Variants in DPP10 observed in about 807,000 individuals in gnomAD.
The protein encoded by DPP10 is dipeptidyl peptidase like 10.
Under a neutral mutation model 120.9 loss-of-function variants are expected in DPP10, and 33 were observed. The observed-to-expected ratio is 0.27, with a 90% confidence interval of 0.21 to 0.37. The LOEUF is 0.37. Among genes scored for constraint, DPP10 ranks in the 10% least tolerant of loss-of-function variants. The probability of loss-of-function intolerance (pLI) is 1.00; values close to 1 mark genes in which losing one functional copy is unlikely to be tolerated. For missense variants in DPP10, 816 were observed against 942.8 expected (o/e 0.87, Z 1.76); for synonymous variants, 337 against 326.1 (o/e 1.03, Z -0.36).
chr2:115,803,577 T>C (rs1190212300), intron 19 of DPP10, among the ~76,000 whole-genome samples: 1 of 152,214 alleles, frequency 6.6e-6, no homozygotes, highest in East Asian at 1.9e-4. Flanking sequence ...TACCGGTTGT[T>C]CCTTTCCATG....
chr2:115,293,074 G>A (rs1020556201), intron 1 of DPP10, among the ~76,000 whole-genome samples: 1 of 151,930 alleles, frequency 6.6e-6, no homozygotes, highest in Admixed American at 6.6e-5. Context: ...CCATCTCTAG[G>A]GTACAGATTC....
intron 5 of DPP10, among the ~76,000 whole-genome samples, chr2:115,586,785 T>C (rs1203002092): frequency 6.6e-6 from 1 of 152,200 alleles, no homozygotes; most frequent in Admixed American, 6.5e-5. Context: ...CATAGTAGCA[T>C]TATATTCTTA....
chr2:115,743,703 G>A (rs749415752), intron 9 of DPP10, among the ~76,000 whole-genome samples: 2 of 141,028 alleles, frequency 1.4e-5, no homozygotes, highest in Non-Finnish European at 3.1e-5. Flanking sequence ...CAAAATTTCT[G>A]ATTTGTGACA....
chr2:115,664,695 T>G (rs1224479110), intron 5 of DPP10, among the ~76,000 whole-genome samples: 1 of 152,168 alleles, frequency 6.6e-6, no homozygotes, highest in African/African-American at 2.4e-5. Context: ...ACATTCTTAA[T>G]TGTTTCTCTC....
intron 1 of DPP10, among the ~76,000 whole-genome samples, chr2:114,500,761 T>C (rs1166793996): frequency 6.6e-6 from 1 of 152,168 alleles, no homozygotes; most frequent in African/African-American, 2.4e-5. Context: ...AACAAAATCA[T>C]TGAATCTGAA....
intron 1 of DPP10, among the ~76,000 whole-genome samples, chr2:115,200,589 G>A (rs2055633678): frequency 6.6e-6 from 1 of 152,192 alleles, no homozygotes; most frequent in Non-Finnish European, 1.5e-5. Flanking sequence ...AGCAGGCACA[G>A]CACTTGAGAA....
At chr2:115,258,575 T>C (rs1387359428) in intron 1 of DPP10, among the ~76,000 whole-genome samples, 1 of 152,066 alleles carries the variant, frequency 6.6e-6, no homozygotes, top group East Asian at 1.9e-4. Flanking sequence ...TAATAATAAA[T>C]AAACATGCAT....
chr2:114,875,068 A>T (rs959526730), intron 1 of DPP10, among the ~76,000 whole-genome samples: 1 of 152,186 alleles, frequency 6.6e-6, no homozygotes, highest in Admixed American at 6.6e-5. Context: ...GTATTCTTCC[A>T]TGCTAAAAGG....
At chr2:115,654,076 CAG>C (rs2088059087) in intron 5 of DPP10, among the ~76,000 whole-genome samples, 1 of 151,704 alleles carries the variant, frequency 6.6e-6, no homozygotes, top group Admixed American at 6.6e-5. Flanking sequence ...CTAATTATAT[CAG>C]AAATATTTAC....
In DPP10 at chr2:114,572,341, T is replaced by C. The variant is rs1034446671; in HGVS notation, c.60+129503T>C. ...AGAATGAAGCAAACTCACCAAAACA[T>C]GAAATAGGCCCCCCAAAATAATACA... On this transcript the variant is annotated intron_variant, in intron 1 of 25. Transcript: ENST00000410059. 5.9e-5 allele frequency among the ~76,000 whole-genome samples: 9 copies of C among 152,194 alleles called. No individual in the cohort carries two copies. The East Asian group carries it at 1.5e-3, about 26-fold the overall frequency.
At chr2:115,831,797 A>G (rs1688954451) in intron 21 of DPP10, among the ~76,000 whole-genome samples, 1 of 152,236 alleles carries the variant, frequency 6.6e-6, no homozygotes. Flanking sequence ...AAATTTAAAA[A>G]TAACATAAAC....
intron 3 of DPP10, among the ~76,000 whole-genome samples, chr2:115,456,802 G>A (rs2073585280): frequency 6.6e-6 from 1 of 152,020 alleles, no homozygotes; most frequent in East Asian, 1.9e-4. Context: ...CATACACCGG[G>A]ACCTGTCAGT....
At chr2:114,819,966 A>G (rs1282177152) in intron 1 of DPP10, among the ~76,000 whole-genome samples, 1 of 152,170 alleles carries the variant, frequency 6.6e-6, no homozygotes, top group African/African-American at 2.4e-5. Context: ...ATGTTAATGT[A>G]TTCAATAATC....
At chr2:114,559,612 G>T (rs1397922631) in intron 1 of DPP10, among the ~76,000 whole-genome samples, 1 of 151,988 alleles carries the variant, frequency 6.6e-6, no homozygotes, top group Non-Finnish European at 1.5e-5. Context: ...TAGCTCTCTC[G>T]CCATCCCTGT....
intron 2 of DPP10, among the ~76,000 whole-genome samples, chr2:115,329,682 A>T (rs1016725650): frequency 6.6e-6 from 1 of 151,846 alleles, no homozygotes; most frequent in Non-Finnish European, 1.5e-5. Context: ...TGAGAACATG[A>T]GGTGTTTGGT....
intron 1 of DPP10, among the ~76,000 whole-genome samples, chr2:114,721,426 C>T (rs1701699631): frequency 6.6e-6 from 1 of 152,180 alleles, no homozygotes; most frequent in Admixed American, 6.5e-5. Context: ...AATCTTTATC[C>T]TTTTTGGTGG....
chr2:115,547,603 C>T (rs1050696707), intron 5 of DPP10, among the ~76,000 whole-genome samples: 3 of 151,918 alleles, frequency 2.0e-5, no homozygotes, highest in Admixed American at 2.0e-4. Flanking sequence ...TGAAACCCCG[C>T]CTCTACAAAA....
intron 1 of DPP10, among the ~76,000 whole-genome samples, chr2:114,555,903 A>G (rs1688253901): frequency 6.6e-6 from 1 of 152,104 alleles, no homozygotes; most frequent in Admixed American, 6.6e-5. Flanking sequence ...AGGCACAAGT[A>G]ACATCCTATG....
At chr2:114,534,559 C>G (rs1033758592) in intron 1 of DPP10, among the ~76,000 whole-genome samples, 1 of 152,202 alleles carries the variant, frequency 6.6e-6, no homozygotes. Context: ...CCTGTAACAG[C>G]AGAAATCTGA....
Sources: gnomAD v4.1 joint callset for allele counts (sites outside exome capture counted in the v4.1 genomes callset) on GRCh38, gnomAD v4.1.1 for gene constraint, MANE v1.5 for transcripts, NCBI Gene and HGNC (gene_info 2026-07-23, HGNC 2026-07-21) for gene names.